Variants in MRPS28 observed in about 807,000 individuals in gnomAD.
MRPS28 encodes small ribosomal subunit protein bS1m.
In MRPS28, 7 loss-of-function variants were observed where a neutral mutation model predicts 10.8. That is an observed-to-expected ratio of 0.65 (90% CI 0.37 to 1.22). The LOEUF (loss-of-function observed/expected upper bound fraction) is 1.22. Among genes scored for constraint, MRPS28 ranks in the 50% most tolerant of loss-of-function variants. The probability of loss-of-function intolerance (pLI) is 0.02; values close to 1 mark genes in which losing one functional copy is unlikely to be tolerated. For missense variants in MRPS28, 265 were observed against 232.9 expected (o/e 1.14, Z -0.90); for synonymous variants, 121 against 93.3 (o/e 1.30, Z -1.71).
At chr8:79,980,537 T>C (rs1807927241) in intron 2 of MRPS28, among the ~76,000 whole-genome samples, 1 of 152,248 alleles carries the variant, frequency 6.6e-6, no homozygotes, top group Non-Finnish European at 1.5e-5. Context: ...TTTCTTAAAA[T>C]TGAAATGGCT....
intron 1 of MRPS28, among the ~76,000 whole-genome samples, chr8:80,003,617 T>C (rs1808729951): frequency 6.6e-6 from 1 of 152,028 alleles, no homozygotes; most frequent in South Asian, 2.1e-4. Context: ...AGGTACCGGG[T>C]TCATTTCACT....
intron 2 of MRPS28, among the ~76,000 whole-genome samples, chr8:79,999,487 T>G (rs75515763): frequency 2.0e-5 from 3 of 152,182 alleles, no homozygotes; most frequent in African/African-American, 7.2e-5. Flanking sequence ...CAGATCCCTA[T>G]AAGAAACCTA....
At chr8:80,021,164 G>A (rs571401209) in intron 1 of MRPS28, among the ~76,000 whole-genome samples, 65 of 151,994 alleles carry the variant, frequency 4.3e-4, no homozygotes, top group African/African-American at 1.3e-3. Context: ...CACCATGCCC[G>A]GCTAATTTTT....
intron 1 of MRPS28, among the ~76,000 whole-genome samples, chr8:80,020,326 C>A (rs534104284): frequency 6.6e-6 from 1 of 152,162 alleles, no homozygotes; most frequent in African/African-American, 2.4e-5. Flanking sequence ...TAATGAGGCA[C>A]GTCTGGCTCC....
At chr8:79,966,402 A>G (rs920211516) in intron 2 of MRPS28, among the ~76,000 whole-genome samples, 1 of 152,104 alleles carries the variant, frequency 6.6e-6, no homozygotes, top group Non-Finnish European at 1.5e-5. Context: ...CAAATCCACC[A>G]TCGTAATGAT....
At chr8:80,018,215 C>A (rs1386949956) in intron 1 of MRPS28, among the ~76,000 whole-genome samples, 1 of 147,136 alleles carries the variant, frequency 6.8e-6, no homozygotes, top group African/African-American at 2.6e-5. Flanking sequence ...ATGGCATGAA[C>A]CCGGAAGGAG....
chr8:79,966,260 T>C (rs1245368434), intron 2 of MRPS28, among the ~76,000 whole-genome samples: 1 of 151,938 alleles, frequency 6.6e-6, no homozygotes, highest in Non-Finnish European at 1.5e-5. Flanking sequence ...TATAGATATA[T>C]AAAGGGTCAA....
chr8:79,918,989 A>G lies in MRPS28; in HGVS notation c.555T>C (p.His185=), dbSNP rs201478591. ...SKDSRSKEEH[H]EK ...ACTAAGCAAAGTTCATTTATTTTTC[A>G]TGATGTTCTTCTTTCGATCTTGAGT... The change falls in exon 3 of 3, where the codon CAT becomes CAC. Residue 185 remains histidine, a synonymous_variant. Transcript: ENST00000276585. The G allele has an allele frequency of 3.2e-6, 5 of 1,550,148 alleles. No individual in the cohort carries two copies. Among genetic ancestry groups the G allele is most frequent in the East Asian group, 4.6e-5 (2 of 43,810 alleles).
chr8:80,015,144 C>G (rs1809161525), intron 1 of MRPS28, among the ~76,000 whole-genome samples: 1 of 152,122 alleles, frequency 6.6e-6, no homozygotes, highest in African/African-American at 2.4e-5. Flanking sequence ...AGTTTTAACT[C>G]CAGGAGCTCA....
chr8:80,004,245 C>T lies in MRPS28; in HGVS notation c.214-1065G>A, dbSNP rs552578661. On this transcript the variant is annotated intron_variant, in intron 1 of 2. Coordinates refer to ENST00000276585, the MANE Select transcript of MRPS28 (RefSeq NM_014018.3). ...ACTGGGAGGCACCCCCAAGTAGGGG[C>T]AGACTGACACCTCACACAGCCGGGT... Among the ~76,000 whole-genome samples the T allele has an allele frequency of 2.0e-5, 3 of 152,330 alleles. No individual in the cohort carries two copies. In the East Asian group the frequency reaches 5.8e-4, roughly 29 times the overall value.
chr8:79,937,222 G>T lies in MRPS28; in HGVS notation c.396-18074C>A, dbSNP rs571113309. On this transcript the variant is annotated intron_variant, in intron 2 of 2. Transcript: ENST00000276585. ...GCATTATTGCCTCTTAGAACAGACAGGAATTTATTATCATTGAGGAAGTAA... is the reference window on the plus strand; with the variant it reads ...GCATTATTGCCTCTTAGAACAGACATGAATTTATTATCATTGAGGAAGTAA... Among the ~76,000 whole-genome samples, 15 of 152,216 alleles carry T rather than the reference G, an allele frequency of 9.9e-5. No individual in the cohort carries two copies. In the South Asian group the frequency reaches 3.1e-3, roughly 32 times the overall value.
chr8:79,928,455 A>T (rs56383509), intron 2 of MRPS28, among the ~76,000 whole-genome samples: 15,263 of 151,650 alleles, frequency 0.1, 1,628 homozygotes, highest in African/African-American at 0.27. Context: ...ATATATATAT[A>T]TTTTTTGAGA....
intron 1 of MRPS28, among the ~76,000 whole-genome samples, chr8:80,012,129 T>TTAC (rs72538550): frequency 4.0e-5 from 6 of 150,042 alleles, no homozygotes; most frequent in Non-Finnish European, 8.9e-5. Context: ...TTCTCCTCCA[T>TTAC]TTTTTGCCTC....
At chr8:80,028,269 G>T (rs755799202) in intron 1 of MRPS28, among the ~76,000 whole-genome samples, 1 of 152,090 alleles carries the variant, frequency 6.6e-6, no homozygotes, top group South Asian at 2.1e-4. Context: ...GAAATATTAG[G>T]TAAGAAATAG....
chr8:80,018,392 C>A (rs539884762), intron 1 of MRPS28, among the ~76,000 whole-genome samples: 1 of 149,994 alleles, frequency 6.7e-6, no homozygotes, highest in Admixed American at 6.6e-5. Context: ...AAGTGCTCAA[C>A]ATCATTATCA....
chr8:79,953,710 T>C (rs1286211617), intron 2 of MRPS28, among the ~76,000 whole-genome samples: 1 of 152,192 alleles, frequency 6.6e-6, no homozygotes, highest in Admixed American at 6.5e-5. Context: ...GATGGATATA[T>C]TGAATTACTA....
At chr8:80,024,892 A>G (rs912218214) in intron 1 of MRPS28, among the ~76,000 whole-genome samples, 3 of 152,324 alleles carry the variant, frequency 2.0e-5, no homozygotes, top group Non-Finnish European at 4.4e-5. Flanking sequence ...AGGTAGTAAA[A>G]CACAAAACTC....
intron 1 of MRPS28, chr8:80,028,645 C>CGGGCGGGGGGGGGGGGGG: frequency 3.0e-4 from 1 of 3,332 alleles, no homozygotes; most frequent in African/African-American, 1.5e-3. Context: ...AAGCAGAAGA[C>CGGGCGGGGGGGGGGGGGG]GGGCGGGGGG....
chr8:80,017,928 G>A (rs560688901), intron 1 of MRPS28, among the ~76,000 whole-genome samples: 13 of 152,174 alleles, frequency 8.5e-5, no homozygotes, highest in Admixed American at 2.6e-4. Context: ...AAATCAAAAT[G>A]TAGACAAAGC....
Sources: gnomAD v4.1 joint callset for allele counts (sites outside exome capture counted in the v4.1 genomes callset) on GRCh38, gnomAD v4.1.1 for gene constraint, MANE v1.5 for transcripts, NCBI Gene and HGNC (gene_info 2026-07-23, HGNC 2026-07-21) for gene names.